BMAL2: variants seen among roughly 807,000 people sequenced by gnomAD.
The protein encoded by BMAL2 is basic helix-loop-helix ARNT-like protein 2.
the BMAL2 span, chr12:27,390,032 A>G: frequency 6.4e-7 from 1 of 1,572,140 alleles, no homozygotes; most frequent in South Asian, 1.1e-5. Flanking sequence ...GTTAGGAGAT[A>G]AATTTCAAAA....
chr12:27,345,777 T>A, the BMAL2 span, among the ~76,000 whole-genome samples: 1 of 152,328 alleles, frequency 6.6e-6, no homozygotes, highest in South Asian at 2.1e-4. Context: ...GTGCTGGGAT[T>A]ACAGGCATGA....
At chr12:27,395,628 C>T in the BMAL2 span, among the ~76,000 whole-genome samples, 1 of 151,860 alleles carries the variant, frequency 6.6e-6, no homozygotes, top group Non-Finnish European at 1.5e-5. Context: ...CCATGGGGTT[C>T]CTAAAATGAT....
chr12:27,340,712 T>TGTTAAAA, the BMAL2 span, among the ~76,000 whole-genome samples: 3 of 152,248 alleles, frequency 2.0e-5, no homozygotes, highest in Non-Finnish European at 2.9e-5. Flanking sequence ...ATAGTCCATT[T>TGTTAAAA]TAACAATATT....
chr12:27,341,148 G>T, the BMAL2 span, among the ~76,000 whole-genome samples: 1 of 113,400 alleles, frequency 8.8e-6, no homozygotes, highest in African/African-American at 2.6e-5. Flanking sequence ...ACTATGTTGA[G>T]TAAGAGTGGT....
chr12:27,394,602 C>T, the BMAL2 span: 2 of 152,164 alleles, frequency 1.3e-5, no homozygotes, highest in Non-Finnish European at 1.5e-5. Flanking sequence ...AATGAATATA[C>T]ATTATAATCT....
the BMAL2 span, chr12:27,333,053 C>G: frequency 8.3e-7 from 1 of 1,199,898 alleles, no homozygotes; most frequent in Non-Finnish European, 1.0e-6. Context: ...GGCTGCGGAG[C>G]CGACCAAGTG....
the BMAL2 span, among the ~76,000 whole-genome samples, chr12:27,340,249 C>A: frequency 6.6e-6 from 1 of 152,124 alleles, no homozygotes; most frequent in East Asian, 1.9e-4. Context: ...ACATTTAAGT[C>A]TTTAATCCAT....
At chr12:27,415,923 T>A in the BMAL2 span, 1 of 1,604,704 alleles carries the variant, frequency 6.2e-7, no homozygotes, top group Non-Finnish European at 8.5e-7. Context: ...TAATGAAAGA[T>A]ACTCATACTG....
At chr12:27,344,889 C>A in the BMAL2 span, among the ~76,000 whole-genome samples, 3 of 152,132 alleles carry the variant, frequency 2.0e-5, no homozygotes, top group Non-Finnish European at 2.9e-5. Context: ...TGGTGCCTGG[C>A]GTGTCAGGAA....
At chr12:27,335,496 G>A in the BMAL2 span, among the ~76,000 whole-genome samples, 20 of 152,288 alleles carry the variant, frequency 1.3e-4, no homozygotes, top group African/African-American at 4.3e-4. Flanking sequence ...GATAGTGTAA[G>A]ATCCAATTCT....
the BMAL2 span, among the ~76,000 whole-genome samples, chr12:27,366,307 A>G: frequency 2.6e-5 from 4 of 152,178 alleles, no homozygotes; most frequent in African/African-American, 4.8e-5. Context: ...AGTGCTCCAT[A>G]TATGTCTATT....
chr12:27,366,807 TAGG>T, the BMAL2 span, among the ~76,000 whole-genome samples: 1 of 152,212 alleles, frequency 6.6e-6, no homozygotes, highest in African/African-American at 2.4e-5. Context: ...GTTCTAACAA[TAGG>T]AGAGTGGTTA....
chr12:27,377,767 T>C, the BMAL2 span, among the ~76,000 whole-genome samples: 2 of 152,074 alleles, frequency 1.3e-5, no homozygotes, highest in African/African-American at 4.8e-5. Flanking sequence ...AAAATCTAAT[T>C]GCTCACAAAT....
At chr12:27,414,062 C>T in the BMAL2 span, among the ~76,000 whole-genome samples, 1 of 151,500 alleles carries the variant, frequency 6.6e-6, no homozygotes, top group Non-Finnish European at 1.5e-5. Flanking sequence ...AAAAAAAAAA[C>T]TCCCCTGCAA....
the BMAL2 span, among the ~76,000 whole-genome samples, chr12:27,368,843 C>A: frequency 6.6e-6 from 1 of 152,084 alleles, no homozygotes; most frequent in African/African-American, 2.4e-5. Flanking sequence ...TCGTGCTTTC[C>A]CTATTTATTA....
chr12:27,395,176 G>A, the BMAL2 span, among the ~76,000 whole-genome samples: 92 of 152,268 alleles, frequency 6.0e-4, 1 homozygote, highest in East Asian at 9.6e-3. Flanking sequence ...AATAAATGTC[G>A]GTTAATTAAA....
the BMAL2 span, among the ~76,000 whole-genome samples, chr12:27,397,216 A>G: frequency 6.6e-6 from 1 of 152,156 alleles, no homozygotes; most frequent in Non-Finnish European, 1.5e-5. Flanking sequence ...GACTACAGGC[A>G]CATGCCACCA....
chr12:27,380,444 TC>T, the BMAL2 span: 1 of 1,605,642 alleles, frequency 6.2e-7, no homozygotes, highest in Non-Finnish European at 8.5e-7. Context: ...ATAAGTGAAA[TC>T]TGCTCTGTCA....
At chr12:27,382,150 A>G in the BMAL2 span, among the ~76,000 whole-genome samples, 1 of 152,324 alleles carries the variant, frequency 6.6e-6, no homozygotes, top group Middle Eastern at 3.4e-3. Context: ...GAGGCTTGCA[A>G]TATTTTCCTT....
Sources: allele counts gnomAD v4.1 joint callset (sites outside exome capture counted in the v4.1 genomes callset), GRCh38; gene constraint gnomAD v4.1.1; transcripts MANE v1.5; gene names NCBI Gene and HGNC (gene_info 2026-07-23, HGNC 2026-07-21).